RAD51B: variants seen among roughly 807,000 people sequenced by gnomAD.
The protein encoded by RAD51B is DNA repair protein RAD51 homolog 2.
RAD51B carries 38 observed loss-of-function variants against 42.2 expected under a neutral mutation model. The ratio of observed to expected loss-of-function variants is 0.90; its 90% CI spans 0.70 to 1.18. RAD51B has a LOEUF of 1.18. RAD51B is among the 50% of genes most tolerant of loss of function. The pLI is 0.00. For missense variants in RAD51B, 373 were observed against 400.7 expected (o/e 0.93, Z 0.59); for synonymous variants, 154 against 145.2 (o/e 1.06, Z -0.43).
At chr14:68,494,440 C>G (rs1430089947) in intron 10 of RAD51B, among the ~76,000 whole-genome samples, 1 of 152,170 alleles carries the variant, frequency 6.6e-6, no homozygotes, top group African/African-American at 2.4e-5. Flanking sequence ...GGCACTCTAA[C>G]AGTCAGAGGT....
At chr14:68,234,912 C>A (rs1469412188) in intron 7 of RAD51B, among the ~76,000 whole-genome samples, 2 of 152,028 alleles carry the variant, frequency 1.3e-5, no homozygotes, top group Middle Eastern at 3.2e-3. Flanking sequence ...AACTTTTTGA[C>A]TCTTTTGTAG....
chr14:67,863,407 A>T (rs1353535006), intron 4 of RAD51B, among the ~76,000 whole-genome samples: 3 of 152,136 alleles, frequency 2.0e-5, no homozygotes, highest in Admixed American at 2.0e-4. Flanking sequence ...TCAGGCCATG[A>T]CCCAGACCTA....
Position 68,652,639 on chromosome 14 carries a change from A to G in RAD51B, c.*11+1783A>G, listed in dbSNP as rs572351800. On this transcript the variant is annotated intron_variant, in intron 11 of 11. Coordinates refer to the RAD51B transcript ENST00000488612. ...CCTGGACGCCAAAGAGTGACTGGCC[A>G]CTCCTTCCATTCAATCACCTCCTGT... Among the ~76,000 whole-genome samples the G allele has an allele frequency of 2.0e-5, 3 of 151,950 alleles. No homozygotes were observed. The South Asian group carries it at 6.2e-4, about 32-fold the overall frequency.
At chr14:67,952,288 G>A (rs9652362) in intron 7 of RAD51B, among the ~76,000 whole-genome samples, 10,439 of 152,000 alleles carry the variant, frequency 0.069, 875 homozygotes, top group African/African-American at 0.2. Flanking sequence ...ATTTTGAAGT[G>A]TCATTGTCAA....
intron 7 of RAD51B, among the ~76,000 whole-genome samples, chr14:68,021,987 A>G (rs993420163): frequency 3.3e-5 from 5 of 152,186 alleles, no homozygotes; most frequent in African/African-American, 1.2e-4. Context: ...AAAATAAGAC[A>G]ACAATGAAGT....
intron 4 of RAD51B, among the ~76,000 whole-genome samples, 195 bp downstream of exon 4, chr14:67,835,391 T>C (rs921872631): frequency 9.2e-5 from 14 of 152,174 alleles, no homozygotes; most frequent in Non-Finnish European, 2.1e-4. Flanking sequence ...ACAAAATCCT[T>C]GCTGACTGAT....
intron 5 of RAD51B, among the ~76,000 whole-genome samples, chr14:67,881,312 G>A (rs2042899109): frequency 6.6e-6 from 1 of 152,138 alleles, no homozygotes; most frequent in African/African-American, 2.4e-5. Flanking sequence ...TGTATAATAA[G>A]GTCTCTTTAT....
Position 68,291,955 on chromosome 14 carries a change from A to G in RAD51B, c.828A>G (p.Pro276=). ...ALASQADLVS[P]ADDLSLSEGT... ...CTTCTCAGGCAGACCTGGTGTCTCCAGCTGATGATTTGTCCCTGTCTGAAG... is the reference window on the plus strand; with the variant it reads ...CTTCTCAGGCAGACCTGGTGTCTCCGGCTGATGATTTGTCCCTGTCTGAAG... Residue 276 remains proline, a synonymous_variant, in exon 8 of 11, where the codon CCA becomes CCG. Coordinates refer to ENST00000471583, the MANE Select transcript of RAD51B (RefSeq NM_133510.4). 6.2e-7 allele frequency: 1 copy of G among 1,613,500 alleles called. No individual in the cohort carries two copies. Among genetic ancestry groups the G allele is most frequent in the Non-Finnish European group, 8.5e-7 (1 of 1,179,574 alleles).
intron 8 of RAD51B, among the ~76,000 whole-genome samples, chr14:68,294,269 C>G (rs2877455): frequency 0.52 from 77,926 of 150,834 alleles, 22,083 homozygotes; most frequent in South Asian, 0.65. Flanking sequence ...AGAAATCCAA[C>G]AAAGAATGGA....
intron 7 of RAD51B, among the ~76,000 whole-genome samples, chr14:68,282,806 G>T (rs556678355): frequency 6.6e-5 from 10 of 152,244 alleles, no homozygotes; most frequent in African/African-American, 1.2e-4. Context: ...GCCCTTGGTG[G>T]TTAGGATGCC....
At chr14:68,197,136 G>A (rs1180429261) in intron 7 of RAD51B, among the ~76,000 whole-genome samples, 1 of 152,086 alleles carries the variant, frequency 6.6e-6, no homozygotes, top group African/African-American at 2.4e-5. Context: ...GAAATGCACA[G>A]ATCTTAAGTG....
intron 7 of RAD51B, among the ~76,000 whole-genome samples, chr14:68,002,742 A>C (rs1387236216): frequency 6.6e-6 from 1 of 152,170 alleles, no homozygotes; most frequent in East Asian, 1.9e-4. Context: ...AATTTTCTGC[A>C]TGTGGCTAGC....
chr14:68,013,519 T>C (rs1176080622), intron 7 of RAD51B, among the ~76,000 whole-genome samples: 1 of 152,190 alleles, frequency 6.6e-6, no homozygotes, highest in Non-Finnish European at 1.5e-5. Flanking sequence ...ATTTAATAAT[T>C]GCTTATGTAG....
At chr14:67,875,625 C>T (rs2042700741) in intron 5 of RAD51B, among the ~76,000 whole-genome samples, 1 of 152,142 alleles carries the variant, frequency 6.6e-6, no homozygotes, top group Non-Finnish European at 1.5e-5. Context: ...ACCATATAGC[C>T]TCAGTGTGTA....
At chr14:68,357,552 T>G (rs2082934056) in intron 8 of RAD51B, among the ~76,000 whole-genome samples, 1 of 152,104 alleles carries the variant, frequency 6.6e-6, no homozygotes, top group Non-Finnish European at 1.5e-5. Context: ...ATAAGAGGAA[T>G]CACTATCTAT....
At chr14:68,440,573 C>T (rs982281296) in intron 9 of RAD51B, among the ~76,000 whole-genome samples, 2 of 151,968 alleles carry the variant, frequency 1.3e-5, no homozygotes, top group African/African-American at 2.4e-5. Context: ...GGTGAAACCC[C>T]GTCTCTACTA....
intron 7 of RAD51B, among the ~76,000 whole-genome samples, chr14:68,228,202 C>T (rs2080079932): frequency 6.6e-6 from 1 of 152,124 alleles, no homozygotes. Context: ...TAACTCCTTC[C>T]TTACCATCTG....
At chr14:68,405,829 C>CAAAA (rs10547910) in intron 8 of RAD51B, among the ~76,000 whole-genome samples, 2 of 71,542 alleles carry the variant, frequency 2.8e-5, no homozygotes, top group Non-Finnish European at 6.1e-5. Flanking sequence ...AGTTTATCAC[C>CAAAA]AAAAAAAAAA....
chr14:68,245,903 G>T (rs1277760414), intron 7 of RAD51B, among the ~76,000 whole-genome samples: 1 of 152,098 alleles, frequency 6.6e-6, no homozygotes, highest in Non-Finnish European at 1.5e-5. Flanking sequence ...AGTGCGGGGA[G>T]TGAAGGAGGG....
Sources: gnomAD v4.1 joint callset for allele counts (sites outside exome capture counted in the v4.1 genomes callset) on GRCh38, gnomAD v4.1.1 for gene constraint, MANE v1.5 for transcripts, NCBI Gene and HGNC (gene_info 2026-07-23, HGNC 2026-07-21) for gene names.